Variants in MGST1 observed in about 807,000 individuals in gnomAD.
The protein encoded by MGST1 is microsomal glutathione S-transferase 1.
In MGST1, 5 loss-of-function variants were observed where a neutral mutation model predicts 8.9. The observed-to-expected ratio is 0.56, with a 90% CI of 0.29 to 1.19. The LOEUF is 1.19. Among genes scored for constraint, MGST1 ranks in the 50% most tolerant of loss-of-function variants. The pLI is 0.08. For missense variants in MGST1, 182 were observed against 187.4 expected, an observed-to-expected ratio of 0.97 and a Z score of 0.17; for synonymous variants, 54 against 67.8, an observed-to-expected ratio of 0.80 and a Z score of 1.00.
In MGST1 at chr12:16,555,290, C is replaced by T. The variant is rs1942153231; in HGVS notation, n.483-34238C>T. On this transcript the variant is annotated intron_variant and non_coding_transcript_variant, in intron 4 of 4. Transcript: ENST00000538857. The surrounding 1 kb of genome is among the most constrained non-coding windows in gnomAD (Gnocchi z 5.5). ...ATCCTTGAGTTCCCATTGCCTCCATCAACATCTTCTGACCATGTAAATTTG... is the reference window on the plus strand; with the variant it reads ...ATCCTTGAGTTCCCATTGCCTCCATTAACATCTTCTGACCATGTAAATTTG... 6.6e-6 allele frequency among the ~76,000 whole-genome samples: 1 copy of T among 152,216 alleles called. No homozygotes were observed. The highest frequency in any genetic ancestry group is 2.4e-5 in the African/African-American group (1 of 41,452).
chr12:16,367,567 C>G (rs994582839), downstream of MGST1: 1 of 152,248 alleles, frequency 6.6e-6, no homozygotes, highest in Non-Finnish European at 1.5e-5. Flanking sequence ...CAGAGTCACT[C>G]CATGTCCCAG....
intron 4 of MGST1, among the ~76,000 whole-genome samples, chr12:16,568,083 A>G (rs189206032): frequency 6.6e-6 from 1 of 152,204 alleles, no homozygotes; most frequent in Non-Finnish European, 1.5e-5. Flanking sequence ...AGAAAATAAA[A>G]AGGAATACTA....
chr12:16,376,407 A>G (rs944840054), exon 4 of MGST1: 1 of 311,540 alleles, frequency 3.2e-6, no homozygotes, highest in African/African-American at 2.2e-5. Flanking sequence ...AATCTCCACG[A>G]ATCTCTAATT....
In MGST1 at chr12:16,537,021, G is replaced by A. The variant is rs967005929; in HGVS notation, n.483-52507G>A. Among the ~76,000 whole-genome samples, 4 of 152,142 alleles carry A rather than the reference G, an allele frequency of 2.6e-5. No homozygotes were observed. Among genetic ancestry groups the A allele is most frequent in the African/African-American group, 9.7e-5 (4 of 41,426 alleles). On this transcript the variant is annotated intron_variant and non_coding_transcript_variant, in intron 4 of 4. Coordinates refer to the MGST1 transcript ENST00000538857. The surrounding 1 kb of genome is among the most constrained non-coding windows in gnomAD (Gnocchi z 4.6). ...TTTGGCATTAACCCAAAAGTCCACA[G>A]TCCAAAGTCTCATCTGAGACAAGGC...
chr12:16,354,152 T>G (rs886267523), intron 1 of MGST1, 79 bp from the exon 2 acceptor site: 1 of 1,008,844 alleles, frequency 9.9e-7, no homozygotes, highest in East Asian at 2.6e-5. Context: ...AATGCTGCAA[T>G]ATAAGAACAT....
At chr12:16,549,952 A>G (rs1941924214) in intron 4 of MGST1, 1 of 152,156 alleles carries the variant, frequency 6.6e-6, no homozygotes. Context: ...GTTGGCAATT[A>G]CTTAAAACAA....
chr12:16,574,007 T>G (rs1212104043), intron 4 of MGST1: 1 of 152,278 alleles, frequency 6.6e-6, no homozygotes, highest in Non-Finnish European at 1.5e-5. Flanking sequence ...CTCCACTGCC[T>G]AATTGCTGCT....
intron 3 of MGST1, among the ~76,000 whole-genome samples, chr12:16,359,745 C>T (rs903737086): frequency 3.5e-4 from 53 of 152,280 alleles, no homozygotes; most frequent in African/African-American, 1.3e-3. Context: ...AGTCATGGCC[C>T]TGTATTTATA....
chr12:16,511,924 C>A, intron 4 of MGST1, among the ~76,000 whole-genome samples: 1 of 152,226 alleles, frequency 6.6e-6, no homozygotes. Context: ...TGAACTGCAG[C>A]CTTCAGGGCA....
intron 1 of MGST1, among the ~76,000 whole-genome samples, chr12:16,412,557 CT>C (rs1214924783): frequency 6.6e-6 from 1 of 152,152 alleles, no homozygotes; most frequent in Admixed American, 6.6e-5. Context: ...CAAATCTCAC[CT>C]TGAATTGTAG....
At chr12:16,375,894 G>A (rs1277024272) in intron 3 of MGST1, among the ~76,000 whole-genome samples, 1 of 151,854 alleles carries the variant, frequency 6.6e-6, no homozygotes, top group Non-Finnish European at 1.5e-5. Flanking sequence ...CTAGCATTGT[G>A]TCAAAAGGAC....
At chr12:16,467,479 A>G (rs1941263876) in intron 4 of MGST1, among the ~76,000 whole-genome samples, 1 of 152,214 alleles carries the variant, frequency 6.6e-6, no homozygotes, top group East Asian at 1.9e-4. Context: ...CTTACTCTGA[A>G]TAAAGTAAAA....
Position 16,582,099 on chromosome 12 carries a change from G to C in MGST1, n.483-7429G>C, listed in dbSNP as rs1241609677. Among the ~76,000 whole-genome samples, 4 of 152,060 alleles carry C rather than the reference G, an allele frequency of 2.6e-5. No individual in the cohort carries two copies. Among genetic ancestry groups the C allele is most frequent in the Non-Finnish European group, 5.9e-5 (4 of 67,986 alleles). On this transcript the variant is annotated intron_variant and non_coding_transcript_variant, in intron 4 of 4. Transcript: ENST00000538857. This position sits in a 1 kb window ranked among gnomAD's most constrained non-coding sequence, Gnocchi z 4.1. ...TTAATGGAAATTACTTTAGTATTTA[G>C]CTGTTTTATAAATTTGCAGTTAGGT...
chr12:16,593,266 AAG>A (rs1943548721), downstream of MGST1, among the ~76,000 whole-genome samples: 3 of 151,928 alleles, frequency 2.0e-5, no homozygotes, highest in South Asian at 6.2e-4. The surrounding 1 kb of genome is among the most constrained non-coding windows in gnomAD (Gnocchi z 4.2). Context: ...TTCAATTCCT[AAG>A]AGTCTTTTAT....
intron 4 of MGST1, among the ~76,000 whole-genome samples, chr12:16,506,341 G>T (rs1941537909): frequency 1.3e-5 from 2 of 152,052 alleles, no homozygotes; most frequent in African/African-American, 2.4e-5. Context: ...TTTTATAATG[G>T]GCAGTAAGTT....
chr12:16,435,029 T>A (rs1292642983), intron 1 of MGST1, among the ~76,000 whole-genome samples: 6 of 152,000 alleles, frequency 3.9e-5, no homozygotes, highest in Non-Finnish European at 8.8e-5. Flanking sequence ...ATTTATCTCA[T>A]AAGAATATTC....
At position 16,544,078 on chromosome 12, in the gene MGST1, T is replaced by C. The variant is rs924091022; in HGVS notation, n.483-45450T>C. On this transcript the variant is annotated intron_variant and non_coding_transcript_variant, in intron 4 of 4. Coordinates refer to the MGST1 transcript ENST00000538857. This position sits in a 1 kb window ranked among gnomAD's most constrained non-coding sequence, Gnocchi z 4.8. ...TTGTTTGGTCGCTGCAGTTTTCAGG[T>C]TGAGTATTCCTTTCTGGAACAGTTC... Among the ~76,000 whole-genome samples, 2 of 152,102 alleles carry C rather than the reference T, an allele frequency of 1.3e-5. No individual in the cohort carries two copies. The highest frequency in any genetic ancestry group is 4.8e-5 in the African/African-American group (2 of 41,428).
chr12:16,576,485 T>G lies in MGST1; in HGVS notation n.483-13043T>G, dbSNP rs1311573876. ...CAAATGTCAATGGATCTATGAAGCC[T>G]CTCTGATTTCCTTGAGGCAGAATAA... On this transcript the variant is annotated intron_variant and non_coding_transcript_variant, in intron 4 of 4. Coordinates refer to the MGST1 transcript ENST00000538857. The surrounding 1 kb of genome is among the most constrained non-coding windows in gnomAD (Gnocchi z 4.1). 6.6e-6 allele frequency among the ~76,000 whole-genome samples: 1 copy of G among 152,206 alleles called. No homozygotes were observed. The highest frequency in any genetic ancestry group is 1.5e-5 in the Non-Finnish European group (1 of 68,038).
downstream of MGST1, among the ~76,000 whole-genome samples, chr12:16,365,324 A>G (rs1228214198): frequency 7.9e-5 from 12 of 152,170 alleles, no homozygotes; most frequent in East Asian, 2.3e-3. Context: ...CTTTTAAAAT[A>G]TCAGTTTTTT....
Sources: gnomAD v4.1 joint callset for allele counts (sites outside exome capture counted in the v4.1 genomes callset) on GRCh38, gnomAD v4.1.1 for gene constraint, Gnocchi (gnomAD v3.1) non-coding constraint, MANE v1.5 for transcripts, NCBI Gene and HGNC (gene_info 2026-07-23, HGNC 2026-07-21) for gene names.